FBXL7: variants seen among roughly 807,000 people sequenced by gnomAD.
FBXL7 encodes F-box and leucine rich repeat protein 7.
In FBXL7, 12 loss-of-function variants were observed where a neutral mutation model predicts 38.3. The ratio of observed to expected loss-of-function variants is 0.31; its 90% CI spans 0.20 to 0.51. The LOEUF is 0.51. FBXL7 is among the 20% of genes least tolerant of loss of function. FBXL7 has a pLI of 0.98. For missense variants in FBXL7, 567 were observed against 676.4 expected (o/e 0.84, Z 1.79); for synonymous variants, 297 against 300.9 (o/e 0.99, Z 0.13).
intron 2 of FBXL7, among the ~76,000 whole-genome samples, chr5:15,624,868 TG>T (rs1740760687): frequency 6.7e-6 from 1 of 148,812 alleles, no homozygotes; most frequent in African/African-American, 2.5e-5. Context: ...GGTACATGTT[TG>T]TTTTTTTTTT....
At chr5:15,691,157 G>C (rs757758190) in intron 2 of FBXL7, among the ~76,000 whole-genome samples, 1 of 152,122 alleles carries the variant, frequency 6.6e-6, no homozygotes, top group Admixed American at 6.5e-5. Flanking sequence ...ACTGACTTCT[G>C]TTCTTGTCAG....
chr5:15,730,821 T>C (rs1735560748), intron 2 of FBXL7, among the ~76,000 whole-genome samples: 1 of 152,212 alleles, frequency 6.6e-6, no homozygotes, highest in Admixed American at 6.5e-5. Context: ...CCAGATTTAT[T>C]CCAGGGCTTA....
chr5:15,597,125 A>G (rs62347910), intron 1 of FBXL7, among the ~76,000 whole-genome samples: 15,373 of 152,102 alleles, frequency 0.1, 891 homozygotes, highest in Middle Eastern at 0.16. Context: ...ATCTGACACT[A>G]TCTTTAGGTA....
intron 3 of FBXL7, among the ~76,000 whole-genome samples, chr5:15,932,030 A>C (rs1742049998): frequency 6.6e-6 from 1 of 152,146 alleles, no homozygotes; most frequent in South Asian, 2.1e-4. Flanking sequence ...GAAATATGTC[A>C]TATTTCATTT....
chr5:15,580,873 G>A, intron 1 of FBXL7: 4 of 950,062 alleles, frequency 4.2e-6, no homozygotes, highest in Non-Finnish European at 5.0e-6. Flanking sequence ...ATGGCTGGAA[G>A]GGGCATGGAA....
chr5:15,687,747 A>G (rs748967138), intron 2 of FBXL7, among the ~76,000 whole-genome samples: 3 of 152,250 alleles, frequency 2.0e-5, no homozygotes, highest in Admixed American at 6.5e-5. Context: ...ACATCCTTGT[A>G]GATTTAAAAA....
chr5:15,736,293 A>G (rs1248104041), intron 2 of FBXL7, among the ~76,000 whole-genome samples: 1 of 152,222 alleles, frequency 6.6e-6, no homozygotes, highest in African/African-American at 2.4e-5. Flanking sequence ...AAATATTTAA[A>G]CAGCAATCAT....
chr5:15,674,061 C>G (rs997713240), intron 2 of FBXL7, among the ~76,000 whole-genome samples: 5 of 152,152 alleles, frequency 3.3e-5, no homozygotes, highest in Non-Finnish European at 5.9e-5. Context: ...CAGGTTAGTT[C>G]AAAAAGAGCT....
At chr5:15,723,867 G>A (rs1354179220) in intron 2 of FBXL7, among the ~76,000 whole-genome samples, 3 of 152,086 alleles carry the variant, frequency 2.0e-5, no homozygotes, top group African/African-American at 7.2e-5. Flanking sequence ...GGTAGTTTCT[G>A]TTTTTTGTTT....
chr5:15,679,833 A>G (rs556794054), intron 2 of FBXL7, among the ~76,000 whole-genome samples: 4 of 152,308 alleles, frequency 2.6e-5, no homozygotes, highest in African/African-American at 9.6e-5. Flanking sequence ...AATCACATCT[A>G]ACAATTCAGC....
At chr5:15,726,522 G>A (rs995461584) in intron 2 of FBXL7, among the ~76,000 whole-genome samples, 3 of 151,782 alleles carry the variant, frequency 2.0e-5, no homozygotes, top group Admixed American at 6.6e-5. Context: ...GTGAAACCCC[G>A]TCTCTACTAA....
At chr5:15,768,674 G>T (rs959105748) in intron 2 of FBXL7, among the ~76,000 whole-genome samples, 2 of 152,176 alleles carry the variant, frequency 1.3e-5, no homozygotes, top group African/African-American at 4.8e-5. Context: ...CTGGGATGGG[G>T]CTGGTCATGA....
At chr5:15,578,326 T>A (rs1739033167) in intron 1 of FBXL7, among the ~76,000 whole-genome samples, 1 of 151,726 alleles carries the variant, frequency 6.6e-6, no homozygotes, top group African/African-American at 2.4e-5. Context: ...GAAAAAAAAA[T>A]CCCCTTTCGG....
At chr5:15,934,252 GCCTGGGCCTC>G (rs1742118672) in intron 3 of FBXL7, among the ~76,000 whole-genome samples, 5 of 152,250 alleles carry the variant, frequency 3.3e-5, no homozygotes, top group African/African-American at 1.2e-4. Context: ...CAATCCACCC[GCCTGGGCCTC>G]CCAAAGTGCT....
At chr5:15,660,343 C>G (rs534482340) in intron 2 of FBXL7, among the ~76,000 whole-genome samples, 1 of 152,308 alleles carries the variant, frequency 6.6e-6, no homozygotes, top group South Asian at 2.1e-4. Context: ...AAAAAAGGCC[C>G]CCACTCTAGC....
chr5:15,575,033 G>C (rs927170389), intron 1 of FBXL7, among the ~76,000 whole-genome samples: 1 of 152,092 alleles, frequency 6.6e-6, no homozygotes, highest in Non-Finnish European at 1.5e-5. Context: ...ACAATTGTGG[G>C]AGAAAAAGTG....
intron 2 of FBXL7, among the ~76,000 whole-genome samples, chr5:15,632,908 C>G (rs1351532463): frequency 6.6e-6 from 1 of 152,078 alleles, no homozygotes; most frequent in African/African-American, 2.4e-5. Context: ...GTACTATGCT[C>G]AATATACTAA....
chr5:15,721,823 T>TTTTA (rs199590835), intron 2 of FBXL7, among the ~76,000 whole-genome samples: 17,764 of 151,382 alleles, frequency 0.12, 1,182 homozygotes, highest in South Asian at 0.19. Flanking sequence ...ATAAGAATCC[T>TTTTA]TTTATTTATT....
chr5:15,633,512 G>A lies in FBXL7; in HGVS notation c.127+17440G>A, dbSNP rs61616178. Among the ~76,000 whole-genome samples the A allele has an allele frequency of 9.2e-5, 14 of 151,842 alleles. No individual in the cohort carries two copies. In the East Asian group the frequency reaches 2.7e-3, roughly 29 times the overall value. ...ATCTTAAAATTTTTTGCCATTAGAT[G>A]CACATACTTCCAACACATTTTTTTT... On this transcript the variant is annotated intron_variant, in intron 2 of 3. Coordinates refer to ENST00000504595, the MANE Select transcript of FBXL7 (RefSeq NM_012304.5).
Sources: allele counts gnomAD v4.1 joint callset (sites outside exome capture counted in the v4.1 genomes callset), GRCh38; gene constraint gnomAD v4.1.1; transcripts MANE v1.5; gene names NCBI Gene and HGNC (gene_info 2026-07-23, HGNC 2026-07-21).